PI4KA: variants seen among roughly 807,000 people sequenced by gnomAD.
PI4KA encodes the protein PI4-kinase alpha.
Under a neutral mutation model 271.4 loss-of-function variants are expected in PI4KA, and 122 were observed. The ratio of observed to expected loss-of-function variants is 0.45; its 90% CI spans 0.39 to 0.52. PI4KA has a LOEUF of 0.52. Ranked by LOEUF, PI4KA falls within the 20% of genes least tolerant of loss-of-function variation. The probability of loss-of-function intolerance (pLI) is 0.00; values close to 1 mark genes in which losing one functional copy is unlikely to be tolerated. For missense variants in PI4KA, 1,969 were observed against 2,769.1 expected, an observed-to-expected ratio of 0.71 and a Z score of 6.48; for synonymous variants, 1,041 against 1,078.8, an observed-to-expected ratio of 0.96 and a Z score of 0.69.
chr22:20,756,618 A>G (rs1931339409), intron 23 of PI4KA, among the ~76,000 whole-genome samples: 1 of 151,050 alleles, frequency 6.6e-6, no homozygotes, highest in Non-Finnish European at 1.5e-5. Context: ...ATGTAGTAGC[A>G]TCTAAGGAGA....
At chr22:20,814,019 G>A (rs942480602) in intron 7 of PI4KA, among the ~76,000 whole-genome samples, 15 of 152,134 alleles carry the variant, frequency 9.9e-5, no homozygotes, top group East Asian at 1.9e-4. Flanking sequence ...GGCTAGTCTC[G>A]AACTCCTGAC....
chr22:20,818,347 C>T, intron 7 of PI4KA, 136 bp downstream of exon 7: 1 of 530,906 alleles, frequency 1.9e-6, no homozygotes, highest in Middle Eastern at 3.8e-4. Flanking sequence ...AAAATAAATG[C>T]TTCCTAAAAG....
intron 3 of PI4KA, among the ~76,000 whole-genome samples, chr22:20,833,376 G>A (rs553206878): frequency 7.2e-5 from 11 of 152,334 alleles, no homozygotes; most frequent in African/African-American, 2.4e-4. Flanking sequence ...CACCAGCAGT[G>A]CAATGGGGTG....
chr22:20,740,028 C>CTCCT (rs1929221993), intron 32 of PI4KA, among the ~76,000 whole-genome samples: 1 of 136,302 alleles, frequency 7.3e-6, no homozygotes, highest in African/African-American at 2.8e-5. Context: ...TGCCACTGCA[C>CTCCT]TCCTGCCTGG....
At chr22:20,753,205 T>C (rs986412249) in intron 23 of PI4KA, 25 bp from the exon 24 acceptor site, 5 of 1,599,872 alleles carry the variant, frequency 3.1e-6, no homozygotes, top group Admixed American at 3.3e-5. Context: ...TTTCCATGGA[T>C]AAGGTGCAGC....
chr22:20,846,392 A>T (rs7410778), intron 1 of PI4KA, among the ~76,000 whole-genome samples: 1 of 120,582 alleles, frequency 8.3e-6, no homozygotes, highest in Middle Eastern at 4.0e-3. Flanking sequence ...CTCAATTATT[A>T]AAAAAAAATA....
At chr22:20,764,695 T>G in intron 22 of PI4KA, 122 bp downstream of exon 22, 1 of 1,123,060 alleles carries the variant, frequency 8.9e-7, no homozygotes, top group Non-Finnish European at 1.2e-6. Flanking sequence ...TTTGCTTGGT[T>G]TTTCAGAAAG....
chr22:20,721,737 A>G, intron 42 of PI4KA: 1 of 280,630 alleles, frequency 3.6e-6, no homozygotes, highest in South Asian at 7.0e-5. Flanking sequence ...TACGAGAAAA[A>G]GCAGGCTGGG....
In PI4KA at chr22:20,763,023, G is replaced by T. The variant is rs1010029322; in HGVS notation, c.2709-1637C>A. Among the ~76,000 whole-genome samples, 13 of 100,038 alleles carry T rather than the reference G, an allele frequency of 1.3e-4. 1 individual carries two copies. The highest frequency in any genetic ancestry group is 7.2e-4 in the South Asian group (2 of 2,794). The allele number at this position is 100,038 out of a possible 152,430, so 65.6% of individuals were successfully genotyped here. On this transcript the variant is annotated intron_variant, in intron 22 of 54. Coordinates refer to ENST00000255882, the MANE Select transcript of PI4KA (RefSeq NM_058004.4). ...GTTTTTTTGCTTTTTTTTTTGGGGG[G>T]GGGGGGGGTTAGAGACAAGTTCTTG...
chr22:20,727,410 TG>T lies in PI4KA; in HGVS notation c.4774-14del. On this transcript the variant is annotated splice_polypyrimidine_tract_variant and intron_variant, in intron 40 of 54. Transcript: ENST00000255882. ...AGGTGACCAGGAACTGCAGAGAAGG[TG>T]GGGAGATGCTGTGGCTTGGGCAGTC... is the stretch of plus-strand genomic sequence containing the variant. The T allele has an allele frequency of 6.3e-7, 1 of 1,590,158 alleles. No individual in the cohort carries two copies. Among genetic ancestry groups the T allele is most frequent in the Non-Finnish European group, 8.6e-7 (1 of 1,168,222 alleles).
intron 1 of PI4KA, among the ~76,000 whole-genome samples, chr22:20,848,459 A>G (rs165850): frequency 0.5 from 75,460 of 151,804 alleles, 19,324 homozygotes; most frequent in African/African-American, 0.6. Flanking sequence ...TTCAAAACTT[A>G]CTACAAAGCT....
chr22:20,809,432 T>C (rs1935868089), intron 9 of PI4KA, among the ~76,000 whole-genome samples: 1 of 37,452 alleles, frequency 2.7e-5, no homozygotes, highest in African/African-American at 1.5e-4. Context: ...TACAAGAAAC[T>C]TTTTTTTTTT....
At position 20,811,137 on chromosome 22, in the gene PI4KA, G is replaced by A. The variant is rs1920978368; in HGVS notation, c.1006-105C>T. On this transcript the variant is annotated intron_variant, in intron 8 of 54. Coordinates refer to ENST00000255882, the MANE Select transcript of PI4KA (RefSeq NM_058004.4). ...GACAAACTCACATGGTGAAAAATGT[G>A]ATGCAGATAAAGGCCAATAAATACA... 8 of 838,510 alleles carry A rather than the reference G, an allele frequency of 9.5e-6. No individual in the cohort carries two copies. In the East Asian group the frequency reaches 1.2e-4, roughly 13 times the overall value. The allele number at this position is 838,510 out of a possible 1,614,324, so 51.9% of individuals were successfully genotyped here.
intron 22 of PI4KA, among the ~76,000 whole-genome samples, chr22:20,763,118 C>T (rs976882408): frequency 3.3e-5 from 5 of 151,398 alleles, no homozygotes; most frequent in Admixed American, 3.3e-4. Context: ...TGGGATTAGC[C>T]ATTTGTTTTT....
intron 36 of PI4KA, among the ~76,000 whole-genome samples, chr22:20,730,974 C>G (rs1451021519): frequency 6.6e-6 from 1 of 151,724 alleles, no homozygotes; most frequent in Non-Finnish European, 1.5e-5. Context: ...GCCAGGAGAT[C>G]GAGGCCAGCC....
At chr22:20,777,679 T>C (rs992459904) in intron 19 of PI4KA, among the ~76,000 whole-genome samples, 2 of 152,178 alleles carry the variant, frequency 1.3e-5, no homozygotes, top group African/African-American at 4.8e-5. Flanking sequence ...TGATTAGAAG[T>C]TGGGACCATG....
rs1004734004 is a variant in PI4KA, at chr22:20,727,109, G to A, written c.4941+121C>T. 4.3e-5 allele frequency: 33 copies of A among 767,342 alleles called. No homozygotes were observed. The African/African-American group carries it at 5.8e-4, about 14-fold the overall frequency. 47.5% of individuals were successfully genotyped at this position (767,342 alleles called of 1,614,324 possible). ...CTACAACTACTTGAGCAAAAAACAGGGAAAGGACCAGTATGTAACGGGGCG... is the reference window on the plus strand; with the variant it reads ...CTACAACTACTTGAGCAAAAAACAGAGAAAGGACCAGTATGTAACGGGGCG... On this transcript the variant is annotated intron_variant, in intron 41 of 54. Transcript: ENST00000255882.
intron 19 of PI4KA, chr22:20,787,045 G>A: frequency 6.2e-7 from 1 of 1,614,032 alleles, no homozygotes; most frequent in African/African-American, 1.3e-5. Flanking sequence ...TGGGAAGAGT[G>A]GCCAACCCCA....
chr22:20,818,334 C>A, intron 7 of PI4KA, 149 bp downstream of exon 7: 5 of 508,910 alleles, frequency 9.8e-6, no homozygotes, highest in South Asian at 6.6e-5. Flanking sequence ...TAAATGAAAA[C>A]AGAAAATAAA....
Sources: allele counts gnomAD v4.1 joint callset (sites outside exome capture counted in the v4.1 genomes callset), GRCh38; gene constraint gnomAD v4.1.1; transcripts MANE v1.5; gene names NCBI Gene and HGNC (gene_info 2026-07-23, HGNC 2026-07-21).